Variants in ATP6V1F observed in about 807,000 individuals in gnomAD.
The protein encoded by ATP6V1F is V-type proton ATPase subunit F.
A neutral mutation model predicts 6.6 loss-of-function variants in ATP6V1F; 4 were observed. The observed-to-expected ratio is 0.60, with a 90% confidence interval of 0.30 to 1.38. The LOEUF is 1.38. Among genes scored for constraint, ATP6V1F ranks in the 40% most tolerant of loss-of-function variants. The probability of loss-of-function intolerance (pLI) is 0.08; values close to 1 mark genes in which losing one functional copy is unlikely to be tolerated. For missense variants in ATP6V1F, 136 were observed against 165.5 expected (o/e 0.82, Z 0.98); for synonymous variants, 68 against 66.9 (o/e 1.02, Z -0.08).
chr7:128,865,712 G>A lies in ATP6V1F; in HGVS notation c.*134G>A, dbSNP rs1809380080. 3 of 978,154 alleles carry A rather than the reference G, an allele frequency of 3.1e-6. No individual in the cohort carries two copies. The highest frequency in any genetic ancestry group is 4.4e-6 in the Non-Finnish European group (3 of 677,362). The allele number at this position is 978,154 out of a possible 1,614,324, so 60.6% of individuals were successfully genotyped here. On this transcript the variant is annotated 3_prime_UTR_variant, in exon 2 of 2. Coordinates refer to ENST00000249289, the MANE Select transcript of ATP6V1F (RefSeq NM_004231.4). The surrounding 1 kb of genome is among the most constrained non-coding windows in gnomAD (Gnocchi z 4.4). ...CCCACTCCATTAAGAGGCTAGGTGA[G>A]GCGCTTCTAGGTTGCTGGGGCTCTG...
chr7:128,863,537 T>C (rs780636254), intron 1 of ATP6V1F, among the ~76,000 whole-genome samples: 1 of 152,164 alleles, frequency 6.6e-6, no homozygotes, highest in Admixed American at 6.5e-5. Context: ...TTGGCAGGTC[T>C]CCTCAGGCGG....
Position 128,865,456 on chromosome 7 carries a change from G to T in ATP6V1F, c.238G>T (p.Ala80Ser), listed in dbSNP as rs73459264. ...IAEMVRHALD[A>S]HQQSIPAVLE... ...AGAGATGGTGCGGCATGCCCTGGAC[G>T]CCCACCAGCAGTCCATCCCCGCTGT... is the stretch of plus-strand genomic sequence containing the variant. Residue 80 changes from alanine (A) to serine (S), a missense_variant, in exon 2 of 2, where the codon GCC (alanine) becomes TCC (serine). Transcript: ENST00000249289. This position sits in a 1 kb window ranked among gnomAD's most constrained non-coding sequence, Gnocchi z 4.4. 2 of 1,614,092 alleles carry T rather than the reference G, an allele frequency of 1.2e-6. No homozygotes were observed. Among genetic ancestry groups the T allele is most frequent in the Non-Finnish European group, 1.7e-6 (2 of 1,180,018 alleles).
chr7:128,862,938 G>T lies in ATP6V1F; in HGVS notation c.34G>T (p.Gly12Ter), dbSNP rs1364407752. Residue 12 changes from glycine to a stop codon, truncating the protein, a stop_gained, in exon 1 of 2, where the codon GGA becomes TGA. Coordinates refer to ENST00000249289, the MANE Select transcript of ATP6V1F (RefSeq NM_004231.4). LOFTEE classifies it high-confidence loss of function. ...AGRGKLIAVI[G>*]DEDTVTGFLL... is the part of the protein sequence containing the mutation. ...GAGGGGTAAGCTCATCGCAGTGATCGGAGACGAGGACACGGTGACTGGTTT... is the reference window on the plus strand; with the variant it reads ...GAGGGGTAAGCTCATCGCAGTGATCTGAGACGAGGACACGGTGACTGGTTT... The T allele has an allele frequency of 9.9e-6, 16 of 1,612,708 alleles. No homozygotes were observed. Among genetic ancestry groups the T allele is most frequent in the Non-Finnish European group, 1.4e-5 (16 of 1,179,388 alleles).
chr7:128,863,749 AG>A (rs1471280102), intron 1 of ATP6V1F, among the ~76,000 whole-genome samples: 2 of 152,102 alleles, frequency 1.3e-5, no homozygotes, highest in Non-Finnish European at 2.9e-5. Context: ...CCCCTTCTCC[AG>A]GGCCCCTGTA....
chr7:128,864,784 T>G, intron 1 of ATP6V1F: 1 of 199,120 alleles, frequency 5.0e-6, no homozygotes, highest in Non-Finnish European at 1.0e-5. Context: ...TCCAGCCATT[T>G]TTTTTTTGTG....
Position 128,865,085 on chromosome 7 carries a change from C to T in ATP6V1F, c.159-292C>T. On this transcript the variant is annotated intron_variant, in intron 1 of 1. Transcript: ENST00000249289. The surrounding 1 kb of genome is among the most constrained non-coding windows in gnomAD (Gnocchi z 4.4). ...CTGACACATCACTGCATATTGAATA[C>T]ACCAGTGTGCACCCTAATCAATCTT... 2 of 1,474,796 alleles carry T rather than the reference C, an allele frequency of 1.4e-6. No individual in the cohort carries two copies. Among genetic ancestry groups the T allele is most frequent in the Non-Finnish European group, 1.8e-6 (2 of 1,090,938 alleles). The allele number at this position is 1,474,796 out of a possible 1,614,324, so 91.4% of individuals were successfully genotyped here.
At chr7:128,863,176 C>G in intron 1 of ATP6V1F, 114 bp downstream of exon 1, 1 of 1,375,670 alleles carries the variant, frequency 7.3e-7, no homozygotes, top group Non-Finnish European at 9.9e-7. Context: ...TCCTTCCGCC[C>G]TTCCGGAGCG....
intron 1 of ATP6V1F, among the ~76,000 whole-genome samples, chr7:128,863,372 G>A (rs1585175944): frequency 1.3e-5 from 2 of 152,184 alleles, no homozygotes; most frequent in South Asian, 4.1e-4. Flanking sequence ...CCATCGTCCC[G>A]TAAGGCAGGG....
chr7:128,865,667 T>G lies in ATP6V1F; in HGVS notation c.*89T>G. On this transcript the variant is annotated 3_prime_UTR_variant, in exon 2 of 2. Transcript: ENST00000249289. This position sits in a 1 kb window ranked among gnomAD's most constrained non-coding sequence, Gnocchi z 4.4. ...CCTTCTTTACTTTTTGAGCCTCTGATTTCCAATTCCCTGCTCCTTCCCACT... is the reference window on the plus strand; with the variant it reads ...CCTTCTTTACTTTTTGAGCCTCTGAGTTCCAATTCCCTGCTCCTTCCCACT... 6 of 1,368,366 alleles carry G rather than the reference T, an allele frequency of 4.4e-6. No homozygotes were observed. The highest frequency in any genetic ancestry group is 5.9e-6 in the Non-Finnish European group (6 of 1,009,008). The allele number at this position is 1,368,366 out of a possible 1,614,324, so 84.8% of individuals were successfully genotyped here.
At chr7:128,863,106 G>A in intron 1 of ATP6V1F, 44 bp downstream of exon 1, 1 of 1,587,674 alleles carries the variant, frequency 6.3e-7, no homozygotes. Context: ...CTGCTGCTCG[G>A]TGGAGTGCGG....
chr7:128,863,874 G>A (rs1273168947), intron 1 of ATP6V1F, among the ~76,000 whole-genome samples: 1 of 152,194 alleles, frequency 6.6e-6, no homozygotes, highest in African/African-American at 2.4e-5. Context: ...GACCTGGGAG[G>A]CTGTTATCTG....
chr7:128,864,803 TATAG>T (rs539005117), intron 1 of ATP6V1F: 257 of 306,666 alleles, frequency 8.4e-4, no homozygotes, highest in African/African-American at 2.5e-3. Context: ...TGTGTATATA[TATAG>T]ATAGATAGAT....
rs751485057 is a variant in ATP6V1F, at chr7:128,862,898, T to C, written c.-7T>C. 2.5e-6 allele frequency: 4 copies of C among 1,590,936 alleles called. No homozygotes were observed. Among genetic ancestry groups the C allele is most frequent in the East Asian group, 2.3e-5 (1 of 43,436 alleles). On this transcript the variant is annotated 5_prime_UTR_variant, in exon 1 of 2. Coordinates refer to ENST00000249289, the MANE Select transcript of ATP6V1F (RefSeq NM_004231.4). ...TGCTCTAGGGTGAGCTCTGCCCGGC[T>C]GCAGGGATGGCGGGGAGGGGTAAGC...
Position 128,865,381 on chromosome 7 carries a change from T to C in ATP6V1F, c.163T>C (p.Phe55Leu). The C allele has an allele frequency of 6.2e-7, 1 of 1,614,022 alleles. No individual in the cohort carries two copies. The highest frequency in any genetic ancestry group is 1.3e-5 in the African/African-American group (1 of 75,008). ...CCTTCTCATCTCTCCCCACAGGCAA[T>C]TTCTAAACCGGGATGACATTGGCAT... ...INEIEDTFRQ[F>L]LNRDDIGIIL... The change falls in exon 2 of 2, where the codon TTT (phenylalanine) becomes CTT (leucine). Residue 55 changes from phenylalanine (F) to leucine (L), a missense_variant. By Grantham distance (22) the Phe-to-Leu change is conservative. Coordinates refer to ENST00000249289, the MANE Select transcript of ATP6V1F (RefSeq NM_004231.4). The surrounding 1 kb of genome is among the most constrained non-coding windows in gnomAD (Gnocchi z 4.4).
Position 128,865,119 on chromosome 7 carries a change from G to A in ATP6V1F, c.159-258G>A. 5 of 1,536,048 alleles carry A rather than the reference G, an allele frequency of 3.3e-6. No homozygotes were observed. The highest frequency in any genetic ancestry group is 4.4e-6 in the Non-Finnish European group (5 of 1,146,758). Reference sequence around the variant, plus strand: ...GCACCCTAATCAATCTTCATTACCAGTTCACTTGGAAGCCTTCCGGGCAGT... The same window carrying A: ...GCACCCTAATCAATCTTCATTACCAATTCACTTGGAAGCCTTCCGGGCAGT... On this transcript the variant is annotated intron_variant, in intron 1 of 1. Transcript: ENST00000249289. The surrounding 1 kb of genome is among the most constrained non-coding windows in gnomAD (Gnocchi z 4.4).
Position 128,863,014 on chromosome 7 carries a change from T to G in ATP6V1F, c.110T>G (p.Leu37Arg). The change falls in exon 1 of 2, where the codon CTG (leucine) becomes CGG (arginine). Residue 37 changes from leucine (L) to arginine (R), a missense_variant. Transcript: ENST00000249289. ...AACAAGAACCGCCATCCCAATTTCC[T>G]GGTGGTGGAGAAGGATACAACCATC... The part of the protein sequence containing the change: ...ELNKNRHPNF[L>R]VVEKDTTINE... The G allele has an allele frequency of 6.2e-7, 1 of 1,613,656 alleles. No individual in the cohort carries two copies. Among genetic ancestry groups the G allele is most frequent in the South Asian group, 1.1e-5 (1 of 90,962 alleles).
intron 1 of ATP6V1F, among the ~76,000 whole-genome samples, chr7:128,863,517 G>A (rs1270458919): frequency 6.6e-6 from 1 of 152,176 alleles, no homozygotes; most frequent in Non-Finnish European, 1.5e-5. Context: ...GGTAAGCCAG[G>A]TACACACTCT....
At chr7:128,864,862 T>TAGAGAG (rs71162535) in intron 1 of ATP6V1F, 41 of 418,254 alleles carry the variant, frequency 9.8e-5, no homozygotes, top group South Asian at 6.2e-4. Flanking sequence ...TATATATAGA[T>TAGAGAG]AGAGAGAGAG....
chr7:128,862,866 C>A lies in ATP6V1F; in HGVS notation c.-39C>A. 1 of 1,498,318 alleles carries A rather than the reference C, an allele frequency of 6.7e-7. No individual in the cohort carries two copies. 92.8% of individuals were successfully genotyped at this position (1,498,318 alleles called of 1,614,324 possible). On this transcript the variant is annotated 5_prime_UTR_variant, in exon 1 of 2. Coordinates refer to ENST00000249289, the MANE Select transcript of ATP6V1F (RefSeq NM_004231.4). The stretch of plus-strand genomic sequence containing the variant: ...TACGGCGGAGGCGGGGTTTCAGTGG[C>A]TTCTGGTGCTCTAGGGTGAGCTCTG...
Sources: gnomAD v4.1 joint callset for allele counts (sites outside exome capture counted in the v4.1 genomes callset) on GRCh38, gnomAD v4.1.1 for gene constraint, Gnocchi (gnomAD v3.1) non-coding constraint, MANE v1.5 for transcripts, NCBI Gene and HGNC (gene_info 2026-07-23, HGNC 2026-07-21) for gene names.